The following GLP2R variants were observed in gnomAD, a reference collection of about 807,000 sequenced individuals.
GLP2R encodes glucagon like peptide 2 receptor.
GLP2R carries 59 observed loss-of-function variants against 68.2 expected under a neutral mutation model. That is an observed-to-expected ratio of 0.87 (90% CI 0.70 to 1.07). The LOEUF (loss-of-function observed/expected upper bound fraction) is 1.07, where lower values mean the gene tolerates loss of function less well. Ranked by LOEUF, GLP2R falls within the 50% of genes least tolerant of loss-of-function variation. The pLI, the probability that GLP2R is intolerant of heterozygous loss-of-function variation, is 0.00. For missense variants in GLP2R, 548 were observed against 677.4 expected, an observed-to-expected ratio of 0.81 and a Z score of 2.12; for synonymous variants, 270 against 265.4, an observed-to-expected ratio of 1.02 and a Z score of -0.17.
chr17:9,835,260 C>T (rs1007023048), intron 2 of GLP2R, among the ~76,000 whole-genome samples: 19 of 151,914 alleles, frequency 1.3e-4, no homozygotes, highest in African/African-American at 4.6e-4. Flanking sequence ...ATCCCCTGAC[C>T]TCGTGATCCA....
chr17:9,884,993 C>A (rs7220852), intron 11 of GLP2R, among the ~76,000 whole-genome samples: 9,170 of 151,854 alleles, frequency 0.06, 935 homozygotes, highest in African/African-American at 0.21. Context: ...ACCCAAGGCC[C>A]GGTAAAGACA....
intron 1 of GLP2R, among the ~76,000 whole-genome samples, chr17:9,828,937 T>G (rs897275746): frequency 1.1e-4 from 17 of 152,194 alleles, no homozygotes; most frequent in African/African-American, 3.4e-4. Flanking sequence ...TGTCTGTAAT[T>G]CTGATGGCCT....
chr17:9,865,566 G>A (rs1011934370), intron 9 of GLP2R, among the ~76,000 whole-genome samples: 7 of 152,090 alleles, frequency 4.6e-5, no homozygotes, highest in African/African-American at 9.7e-5. Flanking sequence ...TACTCGTATG[G>A]ATACATTTAA....
At chr17:9,833,267 A>C (rs1338721541) in intron 1 of GLP2R, among the ~76,000 whole-genome samples, 5 of 151,770 alleles carry the variant, frequency 3.3e-5, no homozygotes, top group African/African-American at 1.2e-4. Context: ...TGTCTTAAAA[A>C]AAAAAAAGAA....
intron 4 of GLP2R, 84 bp downstream of exon 4, chr17:9,842,700 G>C: frequency 6.8e-7 from 1 of 1,463,150 alleles, no homozygotes; most frequent in Admixed American, 1.8e-5. Context: ...CTGGCTCCAG[G>C]GGCCACACAA....
chr17:9,889,755 C>T lies in GLP2R; in HGVS notation c.*50C>T. ...TGCTCCCAGGGACTCTTGAGGGGGCCCAGGAAGAGGAAGCAAAGCAGGACA... is the reference window on the plus strand; with the variant it reads ...TGCTCCCAGGGACTCTTGAGGGGGCTCAGGAAGAGGAAGCAAAGCAGGACA... On this transcript the variant is annotated 3_prime_UTR_variant, in exon 13 of 13. Coordinates refer to ENST00000262441, the MANE Select transcript of GLP2R (RefSeq NM_004246.3). 1 of 1,210,674 alleles carries T rather than the reference C, an allele frequency of 8.3e-7. No individual in the cohort carries two copies. The highest frequency in any genetic ancestry group is 1.5e-5 in the South Asian group (1 of 65,790). 75.0% of individuals were successfully genotyped at this position (1,210,674 alleles called of 1,614,324 possible).
chr17:9,850,681 T>A (rs1436260570), intron 4 of GLP2R, among the ~76,000 whole-genome samples: 1 of 145,114 alleles, frequency 6.9e-6, no homozygotes, highest in Non-Finnish European at 1.5e-5. Context: ...ACCCTACCGA[T>A]GATTTTTTCA....
intron 1 of GLP2R, among the ~76,000 whole-genome samples, chr17:9,833,198 A>G (rs2066696225): frequency 6.6e-6 from 1 of 151,838 alleles, no homozygotes; most frequent in Non-Finnish European, 1.5e-5. Context: ...CAGGAGGCAG[A>G]GGTTGCAGTG....
intron 1 of GLP2R, among the ~76,000 whole-genome samples, chr17:9,832,587 C>T (rs985058859): frequency 4.0e-5 from 6 of 151,824 alleles, no homozygotes; most frequent in Admixed American, 6.6e-5. Context: ...AAAACTTAGC[C>T]GAGCATGGGG....
intron 4 of GLP2R, 37 bp from the exon 5 acceptor site, chr17:9,854,458 G>A (rs1396254209): frequency 1.6e-6 from 2 of 1,271,732 alleles, no homozygotes; most frequent in Non-Finnish European, 2.3e-6. Flanking sequence ...ATAGCCCCAT[G>A]GCTTAGTGGT....
At chr17:9,874,320 T>G (rs2067125199) in intron 10 of GLP2R, among the ~76,000 whole-genome samples, 1 of 152,006 alleles carries the variant, frequency 6.6e-6, no homozygotes, top group African/African-American at 2.4e-5. Flanking sequence ...TGTCTGGAAA[T>G]TCCTTTTTTC....
At chr17:9,830,981 T>G (rs2152029241) in intron 1 of GLP2R, among the ~76,000 whole-genome samples, 1 of 152,352 alleles carries the variant, frequency 6.6e-6, no homozygotes, top group Admixed American at 6.5e-5. Context: ...ACTTAATAAG[T>G]GGGGCTTTAG....
Position 9,826,105 on chromosome 17 carries a change from C to T in GLP2R, c.42C>T (p.Ser14=), listed in dbSNP as rs372066945. 1.3e-4 allele frequency: 213 copies of T among 1,612,636 alleles called. 1 individual carries two copies. The East Asian group carries it at 3.1e-3, about 23-fold the overall frequency. The change falls in exon 1 of 13, where the codon AGC becomes AGT. Residue 14 remains serine, a synonymous_variant. Transcript: ENST00000262441. ...GSSRAGPGRG[S]AGLLPGVHEL... is the part of the protein sequence containing the mutation. The stretch of plus-strand genomic sequence containing the variant: ...GCAGGGCAGGGCCTGGGAGAGGAAG[C>T]GCGGGACTCCTGCCTGGCGTCCACG...
intron 9 of GLP2R, chr17:9,866,060 A>G (rs1288803487): frequency 2.7e-6 from 1 of 372,348 alleles, no homozygotes; most frequent in African/African-American, 2.1e-5. Flanking sequence ...GACTCTGTGC[A>G]TTGGTTCTAG....
intron 1 of GLP2R, 140 bp from the exon 2 acceptor site, chr17:9,833,667 G>A (rs2066701378): frequency 1.6e-6 from 1 of 608,872 alleles, no homozygotes; most frequent in East Asian, 2.8e-5. Context: ...TAGAACATAA[G>A]ATGCTGAAGA....
At chr17:9,842,465 C>A (rs1444458600) in intron 3 of GLP2R, 30 bp from the exon 4 acceptor site, 1 of 1,613,616 alleles carries the variant, frequency 6.2e-7, no homozygotes, top group African/African-American at 1.3e-5. Context: ...TGTGTTCTGA[C>A]CTTTCCTCCA....
intron 11 of GLP2R, among the ~76,000 whole-genome samples, chr17:9,882,933 T>C (rs921046335): frequency 6.7e-6 from 1 of 148,180 alleles, no homozygotes; most frequent in Non-Finnish European, 1.5e-5. Context: ...AAACTTCCAG[T>C]TTTTTCCAAA....
chr17:9,833,664 T>C, intron 1 of GLP2R, 143 bp from the exon 2 acceptor site: 4 of 606,880 alleles, frequency 6.6e-6, no homozygotes, highest in Non-Finnish European at 1.2e-5. Flanking sequence ...AGATAGAACA[T>C]AAGATGCTGA....
intron 4 of GLP2R, among the ~76,000 whole-genome samples, chr17:9,847,472 G>A (rs937606309): frequency 6.6e-6 from 1 of 152,102 alleles, no homozygotes; most frequent in Non-Finnish European, 1.5e-5. Flanking sequence ...GTTTCACCAT[G>A]TTGGCCAGGC....
Sources: allele counts gnomAD v4.1 joint callset (sites outside exome capture counted in the v4.1 genomes callset), GRCh38; gene constraint gnomAD v4.1.1; transcripts MANE v1.5; gene names NCBI Gene and HGNC (gene_info 2026-07-23, HGNC 2026-07-21).